The following ABTB3 variants were observed in gnomAD, a reference collection of about 807,000 sequenced individuals.
ABTB3 encodes ankyrin repeat and BTB domain containing 3, also known as ankyrin repeat- and BTB/POZ domain-containing protein 3.
the ABTB3 span, among the ~76,000 whole-genome samples, chr12:107,358,557 C>T: frequency 6.6e-6 from 1 of 151,948 alleles, no homozygotes; most frequent in Non-Finnish European, 1.5e-5. Flanking sequence ...ACCCCAAACC[C>T]AGTGAATCAG....
chr12:107,604,563 G>A, the ABTB3 span, among the ~76,000 whole-genome samples: 1 of 152,164 alleles, frequency 6.6e-6, no homozygotes, highest in Non-Finnish European at 1.5e-5. Context: ...AAACTACAAT[G>A]AGATATCGCT....
chr12:107,563,442 C>T, the ABTB3 span, among the ~76,000 whole-genome samples: 32 of 152,238 alleles, frequency 2.1e-4, no homozygotes, highest in South Asian at 4.1e-4. Context: ...GCAGAGGAGA[C>T]AGAACAAACC....
At chr12:107,624,344 A>G in the ABTB3 span, among the ~76,000 whole-genome samples, 1 of 152,174 alleles carries the variant, frequency 6.6e-6, no homozygotes, top group Non-Finnish European at 1.5e-5. Flanking sequence ...TGTACCATTT[A>G]CACAGGGGGA....
chr12:107,575,554 A>G, the ABTB3 span, among the ~76,000 whole-genome samples: 3 of 152,184 alleles, frequency 2.0e-5, no homozygotes, highest in Non-Finnish European at 4.4e-5. Flanking sequence ...TCACTGGGCT[A>G]AAGTCAAGGT....
At chr12:107,438,236 G>A in the ABTB3 span, among the ~76,000 whole-genome samples, 4 of 152,182 alleles carry the variant, frequency 2.6e-5, 1 homozygote, top group South Asian at 2.1e-4. Context: ...GAAGGACTGA[G>A]TGGGGAGGGG....
chr12:107,324,237 A>G, the ABTB3 span, among the ~76,000 whole-genome samples: 1 of 152,210 alleles, frequency 6.6e-6, no homozygotes, highest in Non-Finnish European at 1.5e-5. Flanking sequence ...GGATGGAGCC[A>G]ACAAGGCACA....
At chr12:107,364,261 C>T in the ABTB3 span, among the ~76,000 whole-genome samples, 1 of 151,978 alleles carries the variant, frequency 6.6e-6, no homozygotes, top group Non-Finnish European at 1.5e-5. Context: ...GAATTATTTA[C>T]TGGCTCTCAA....
chr12:107,479,744 A>G, the ABTB3 span, among the ~76,000 whole-genome samples: 1 of 152,108 alleles, frequency 6.6e-6, no homozygotes, highest in Non-Finnish European at 1.5e-5. Flanking sequence ...TCTGTGCCAG[A>G]CACTGTGAAA....
At chr12:107,396,815 G>T in the ABTB3 span, among the ~76,000 whole-genome samples, 2 of 152,052 alleles carry the variant, frequency 1.3e-5, no homozygotes, top group South Asian at 4.2e-4. Flanking sequence ...TTCCCTCCAG[G>T]CAGCCCTTGA....
the ABTB3 span, among the ~76,000 whole-genome samples, chr12:107,540,363 G>T: frequency 1.1e-4 from 17 of 152,178 alleles, 1 homozygote; most frequent in East Asian, 2.9e-3. Flanking sequence ...TCCAGGCCTC[G>T]GCCACTTGGA....
chr12:107,339,648 C>T, the ABTB3 span, among the ~76,000 whole-genome samples: 4 of 150,892 alleles, frequency 2.7e-5, no homozygotes, highest in East Asian at 1.9e-4. Flanking sequence ...TAGTAGTGCC[C>T]GAGAAACAGG....
the ABTB3 span, among the ~76,000 whole-genome samples, chr12:107,376,937 C>A: frequency 6.6e-6 from 1 of 152,152 alleles, no homozygotes; most frequent in Non-Finnish European, 1.5e-5. Context: ...CAGAGTCCAA[C>A]ATCTCACCAC....
chr12:107,606,855 C>T, the ABTB3 span, among the ~76,000 whole-genome samples: 4 of 152,336 alleles, frequency 2.6e-5, no homozygotes, highest in South Asian at 4.1e-4. Flanking sequence ...CTTTTCACCA[C>T]GATACACCCA....
the ABTB3 span, chr12:107,520,491 G>A: frequency 6.2e-7 from 1 of 1,613,924 alleles, no homozygotes; most frequent in Non-Finnish European, 8.5e-7. Flanking sequence ...CTGCAGGGGT[G>A]CTGTGCCTAC....
At chr12:107,618,978 GTGTC>G in the ABTB3 span, among the ~76,000 whole-genome samples, 1 of 152,196 alleles carries the variant, frequency 6.6e-6, no homozygotes, top group Non-Finnish European at 1.5e-5. Context: ...TCTCCTCCAT[GTGTC>G]TGGGGAACAA....
At chr12:107,406,456 G>T in the ABTB3 span, among the ~76,000 whole-genome samples, 1 of 152,156 alleles carries the variant, frequency 6.6e-6, no homozygotes, top group African/African-American at 2.4e-5. Context: ...AACCAATGAT[G>T]CTCTACTTTT....
the ABTB3 span, among the ~76,000 whole-genome samples, chr12:107,385,557 G>A: frequency 6.6e-6 from 1 of 152,162 alleles, no homozygotes; most frequent in Non-Finnish European, 1.5e-5. Flanking sequence ...CCTTCCTGCT[G>A]GCTGGGGTGA....
the ABTB3 span, among the ~76,000 whole-genome samples, chr12:107,499,784 C>A: frequency 6.6e-6 from 1 of 151,780 alleles, no homozygotes; most frequent in Non-Finnish European, 1.5e-5. Context: ...CTCCCAGGTT[C>A]AAGCGATTCT....
the ABTB3 span, among the ~76,000 whole-genome samples, chr12:107,611,364 A>G: frequency 1.3e-5 from 2 of 151,858 alleles, no homozygotes; most frequent in Non-Finnish European, 2.9e-5. Context: ...TATTTTTTAT[A>G]GAGACAGGGT....
Sources: allele counts gnomAD v4.1 joint callset (sites outside exome capture counted in the v4.1 genomes callset), GRCh38; gene constraint gnomAD v4.1.1; transcripts MANE v1.5; gene names NCBI Gene and HGNC (gene_info 2026-07-23, HGNC 2026-07-21).